LPP: variants seen among roughly 807,000 people sequenced by gnomAD.
LPP encodes lipoma-preferred partner.
Under a neutral mutation model 60.4 loss-of-function variants are expected in LPP, and 38 were observed. The ratio of observed to expected loss-of-function variants is 0.63; its 90% CI spans 0.49 to 0.83. The LOEUF (loss-of-function observed/expected upper bound fraction) is 0.83, where lower values mean the gene tolerates loss of function less well. LPP is among the 40% of genes least tolerant of loss of function. LPP has a pLI of 0.00. For missense variants in LPP, 902 were observed against 783.6 expected (o/e 1.15, Z -1.80); for synonymous variants, 328 against 290.8 (o/e 1.13, Z -1.30).
chr3:188,301,937 G>A (rs909156263), intron 2 of LPP, among the ~76,000 whole-genome samples: 6 of 149,932 alleles, frequency 4.0e-5, no homozygotes, highest in African/African-American at 1.2e-4. Context: ...GATTATAAGT[G>A]TTAGCCACTG....
intron 2 of LPP, among the ~76,000 whole-genome samples, chr3:188,263,319 A>G (rs1247466550): frequency 1.3e-5 from 2 of 152,216 alleles, no homozygotes; most frequent in Non-Finnish European, 2.9e-5. Flanking sequence ...GCGCTAATCC[A>G]TTCACCAGCT....
At chr3:188,634,532 G>T (rs1037704978) in intron 7 of LPP, among the ~76,000 whole-genome samples, 9 of 152,206 alleles carry the variant, frequency 5.9e-5, no homozygotes, top group African/African-American at 2.2e-4. Context: ...GGGCAAGTGG[G>T]CGAAGCTTCA....
intron 6 of LPP, among the ~76,000 whole-genome samples, chr3:188,546,950 C>T (rs1389767341): frequency 1.3e-5 from 2 of 152,210 alleles, no homozygotes; most frequent in Admixed American, 6.5e-5. Context: ...TACCCTTTCT[C>T]ACACCACAAG....
chr3:188,465,561 A>G (rs2149475667), intron 4 of LPP, among the ~76,000 whole-genome samples: 1 of 152,324 alleles, frequency 6.6e-6, no homozygotes, highest in East Asian at 1.9e-4. Context: ...AAGAGCTTTT[A>G]GTGTAGAACA....
intron 5 of LPP, among the ~76,000 whole-genome samples, chr3:188,486,544 A>G (rs67929845): frequency 0.19 from 28,635 of 151,990 alleles, 5,207 homozygotes; most frequent in African/African-American, 0.47. Flanking sequence ...GAAGAAGGAG[A>G]GGAGGGAATG....
chr3:188,738,165 A>T (rs1287083191), intron 8 of LPP, among the ~76,000 whole-genome samples: 2 of 152,104 alleles, frequency 1.3e-5, no homozygotes, highest in South Asian at 4.1e-4. Flanking sequence ...TTATTGAAAA[A>T]CAAAATTCTG....
At chr3:188,227,182 T>C (rs1483629494) in intron 2 of LPP, among the ~76,000 whole-genome samples, 2 of 151,416 alleles carry the variant, frequency 1.3e-5, no homozygotes, top group African/African-American at 4.8e-5. Context: ...ATTTTTATTT[T>C]TTATTTATTT....
At position 188,524,971 on chromosome 3, in the gene LPP, C is replaced by CT. The variant is rs540192956; in HGVS notation, c.429+199dup. Among the ~76,000 whole-genome samples the CT allele has an allele frequency of 0.76, 90,585 of 119,238 alleles. 35,631 individuals are homozygous for CT. The highest frequency in any genetic ancestry group is 0.93 in the East Asian group (3,899 of 4,204). The allele number at this position is 119,238 out of a possible 152,430, so 78.2% of individuals were successfully genotyped here. ...TCCTCTCTCTCTCTTCTTTCTTTCT[C>CT]TTTTTTTTTTTTTTTGATGGAGTCT... On this transcript the variant is annotated intron_variant, in intron 6 of 11. Transcript: ENST00000617246.
intron 5 of LPP, among the ~76,000 whole-genome samples, chr3:188,485,709 A>C (rs959280291): frequency 9.5e-5 from 14 of 147,090 alleles, no homozygotes; most frequent in Non-Finnish European, 2.1e-4. Context: ...AGGCAGGAGA[A>C]TGGCGTGAAC....
intron 9 of LPP, among the ~76,000 whole-genome samples, chr3:188,817,747 G>T (rs1035353568): frequency 4.6e-5 from 7 of 152,160 alleles, no homozygotes; most frequent in African/African-American, 1.7e-4. Flanking sequence ...TGGAAAACCA[G>T]ATCCTGTGTT....
At chr3:188,634,851 C>T (rs1848442646) in intron 7 of LPP, among the ~76,000 whole-genome samples, 1 of 152,026 alleles carries the variant, frequency 6.6e-6, no homozygotes, top group Admixed American at 6.6e-5. Context: ...ATAGCATGAA[C>T]AATAAATGTA....
chr3:188,864,590 C>T (rs1766116995), intron 9 of LPP, among the ~76,000 whole-genome samples: 1 of 152,178 alleles, frequency 6.6e-6, no homozygotes, highest in Non-Finnish European at 1.5e-5. Context: ...CCAAGTGGGA[C>T]CATTGAGGAA....
intron 2 of LPP, among the ~76,000 whole-genome samples, chr3:188,257,540 G>A (rs1732067428): frequency 6.6e-6 from 1 of 152,224 alleles, no homozygotes; most frequent in African/African-American, 2.4e-5. Flanking sequence ...GTTTTTTGTT[G>A]ACATGGGAAG....
intron 2 of LPP, among the ~76,000 whole-genome samples, chr3:188,286,805 A>T (rs1366318830): frequency 1.3e-5 from 2 of 152,346 alleles, no homozygotes; most frequent in South Asian, 4.1e-4. Context: ...TCAAATATAC[A>T]TTAGGGGTAT....
intron 3 of LPP, among the ~76,000 whole-genome samples, chr3:188,398,159 C>T (rs967032237): frequency 3.9e-5 from 6 of 152,196 alleles, no homozygotes; most frequent in Non-Finnish European, 8.8e-5. Flanking sequence ...TCCCTGGTCT[C>T]ATAGGAGTTA....
chr3:188,835,718 A>G (rs1172319763), intron 9 of LPP, among the ~76,000 whole-genome samples: 1 of 152,092 alleles, frequency 6.6e-6, no homozygotes, highest in East Asian at 1.9e-4. Context: ...CAAGAAAGGA[A>G]CGCCCCTACG....
intron 9 of LPP, among the ~76,000 whole-genome samples, chr3:188,810,298 G>A (rs964426474): frequency 7.9e-5 from 12 of 151,982 alleles, no homozygotes; most frequent in Non-Finnish European, 1.5e-4. Context: ...TCTCTCCTCA[G>A]AGGCATCTAT....
intron 3 of LPP, among the ~76,000 whole-genome samples, chr3:188,368,690 A>G (rs1262763991): frequency 9.8e-6 from 1 of 101,908 alleles, no homozygotes; most frequent in African/African-American, 5.0e-5. Context: ...TCTCACACAC[A>G]CACACACACA....
At chr3:188,788,034 T>C (rs571415268) in intron 9 of LPP, among the ~76,000 whole-genome samples, 1 of 152,356 alleles carries the variant, frequency 6.6e-6, no homozygotes, top group East Asian at 1.9e-4. Context: ...TGGCATTACC[T>C]TGTTGCTCCA....
Sources: gnomAD v4.1 joint callset for allele counts (sites outside exome capture counted in the v4.1 genomes callset) on GRCh38, gnomAD v4.1.1 for gene constraint, MANE v1.5 for transcripts, NCBI Gene and HGNC (gene_info 2026-07-23, HGNC 2026-07-21) for gene names.